The following SLCO1B1 variants were observed in gnomAD, a reference collection of about 807,000 sequenced individuals.
SLCO1B1 encodes the protein solute carrier organic anion transporter family member 1B1, also known as OATP-2.
A neutral mutation model predicts 70.1 loss-of-function variants in SLCO1B1; 81 were observed. That is an observed-to-expected ratio of 1.16 (90% confidence interval 0.97 to 1.39). The LOEUF is 1.39. Ranked by LOEUF, SLCO1B1 falls within the 40% of genes most tolerant of loss-of-function variation. The pLI is 0.00. For missense variants in SLCO1B1, 895 were observed against 799.6 expected, an observed-to-expected ratio of 1.12 and a Z score of -1.44; for synonymous variants, 283 against 271.5, an observed-to-expected ratio of 1.04 and a Z score of -0.42.
intron 1 of SLCO1B1, among the ~76,000 whole-genome samples, chr12:21,134,230 T>C (rs1411804716): frequency 3.9e-5 from 6 of 152,168 alleles, no homozygotes; most frequent in African/African-American, 1.4e-4. Context: ...TTGGATTTGG[T>C]TTGCCAGTAT....
In SLCO1B1 at chr12:21,202,646, G is replaced by A. The variant is rs1442924689; in HGVS notation, c.1291G>A (p.Glu431Lys). The A allele has an allele frequency of 1.2e-6, 2 of 1,612,654 alleles. No homozygotes were observed. The highest frequency in any genetic ancestry group is 2.2e-5 in the East Asian group (1 of 44,738). The change falls in exon 10 of 15, where the codon GAA (glutamate) becomes AAA (lysine). Residue 431 changes from glutamate (E) to lysine (K), a missense_variant. Physicochemically the swap from Glu to Lys is moderately conservative, Grantham distance 56 (BLOSUM62 1). Coordinates refer to ENST00000256958, the MANE Select transcript of SLCO1B1 (RefSeq NM_006446.5). ...CCTATTATATTTTTTCATACTCTGT[G>A]AAAACAAATCAGTTGCCGGACTAAC... is the stretch of plus-strand genomic sequence containing the variant. ...FYLLYFFILC[E>K]NKSVAGLTMT... is the part of the protein sequence containing the mutation.
At chr12:21,136,626 C>G (rs1940226097) in intron 1 of SLCO1B1, among the ~76,000 whole-genome samples, 1 of 152,190 alleles carries the variant, frequency 6.6e-6, no homozygotes, top group South Asian at 2.1e-4. Flanking sequence ...ATCCTATCAG[C>G]TACTGAGGCT....
chr12:21,136,984 G>C (rs1423380230), intron 1 of SLCO1B1, among the ~76,000 whole-genome samples: 1 of 152,102 alleles, frequency 6.6e-6, no homozygotes, highest in East Asian at 1.9e-4. Context: ...GGTCTTTGAT[G>C]ATGGTGACGT....
chr12:21,180,860 A>G (rs961245492), intron 7 of SLCO1B1, among the ~76,000 whole-genome samples: 1 of 151,654 alleles, frequency 6.6e-6, no homozygotes. Flanking sequence ...TAAATAAGAA[A>G]TTATTACATT....
chr12:21,181,563 T>C (rs767291874), intron 7 of SLCO1B1, among the ~76,000 whole-genome samples: 1 of 152,186 alleles, frequency 6.6e-6, no homozygotes, highest in Non-Finnish European at 1.5e-5. Flanking sequence ...GTGAGTTTTC[T>C]TATAGATTAG....
chr12:21,215,526 C>T (rs1941347717), intron 11 of SLCO1B1, among the ~76,000 whole-genome samples: 1 of 152,052 alleles, frequency 6.6e-6, no homozygotes, highest in Admixed American at 6.6e-5. Flanking sequence ...AAAAATAAAG[C>T]CTACTTGGTC....
chr12:21,199,751 A>G (rs1454173399), intron 8 of SLCO1B1, among the ~76,000 whole-genome samples: 1 of 151,858 alleles, frequency 6.6e-6, no homozygotes, highest in Non-Finnish European at 1.5e-5. Flanking sequence ...GAAACATCAT[A>G]TGTCTTATTC....
At chr12:21,162,391 A>C (rs1281159739) in intron 2 of SLCO1B1, among the ~76,000 whole-genome samples, 4 of 152,156 alleles carry the variant, frequency 2.6e-5, no homozygotes, top group Non-Finnish European at 4.4e-5. Flanking sequence ...CACTTCAAAA[A>C]ATTTTTCAAC....
At chr12:21,202,951 A>G (rs1284421285) in intron 10 of SLCO1B1, among the ~76,000 whole-genome samples, 1 of 152,056 alleles carries the variant, frequency 6.6e-6, no homozygotes, top group Non-Finnish European at 1.5e-5. Context: ...TACTTTTATC[A>G]TTATTTTATG....
chr12:21,225,535 AG>A (rs1941474194), intron 14 of SLCO1B1, among the ~76,000 whole-genome samples: 1 of 152,230 alleles, frequency 6.6e-6, no homozygotes, highest in African/African-American at 2.4e-5. Flanking sequence ...TCTACGAAGC[AG>A]AAACTAAGTA....
intron 2 of SLCO1B1, among the ~76,000 whole-genome samples, chr12:21,152,550 T>TTTTTTGTTTTTTTTTG (rs1246559983): frequency 6.8e-6 from 1 of 146,160 alleles, no homozygotes; most frequent in Non-Finnish European, 1.5e-5. Flanking sequence ...TTTTTTTTTT[T>TTTTTTGTTTTTTTTTG]TGCCTCTGGA....
At chr12:21,233,558 A>C (rs1941564174) in intron 14 of SLCO1B1, among the ~76,000 whole-genome samples, 1 of 120,314 alleles carries the variant, frequency 8.3e-6, no homozygotes. Flanking sequence ...ACCTCAAAAA[A>C]AAAACAAACA....
intron 2 of SLCO1B1, among the ~76,000 whole-genome samples, chr12:21,158,338 AT>A (rs1940568634): frequency 6.6e-6 from 1 of 152,244 alleles, no homozygotes; most frequent in African/African-American, 2.4e-5. Context: ...AATTCAATAA[AT>A]TTTTGAAACA....
chr12:21,133,786 A>C (rs1940175776), intron 1 of SLCO1B1, among the ~76,000 whole-genome samples: 1 of 152,166 alleles, frequency 6.6e-6, no homozygotes, highest in Non-Finnish European at 1.5e-5. Context: ...AAACAGGGAC[A>C]ATTTGACTTC....
intron 14 of SLCO1B1, among the ~76,000 whole-genome samples, chr12:21,237,903 C>T (rs11615107): frequency 0.061 from 9,309 of 151,966 alleles, 306 homozygotes; most frequent in African/African-American, 0.067. Context: ...TTGGTATAGA[C>T]GGGGTTTCAC....
chr12:21,166,699 AG>A (rs1173040216), intron 2 of SLCO1B1, among the ~76,000 whole-genome samples: 1 of 152,218 alleles, frequency 6.6e-6, no homozygotes, highest in Non-Finnish European at 1.5e-5. Context: ...AATGCAAAAT[AG>A]TGCAGCCACT....
At chr12:21,219,626 G>A (rs1266839728) in intron 12 of SLCO1B1, among the ~76,000 whole-genome samples, 7 of 152,222 alleles carry the variant, frequency 4.6e-5, no homozygotes, top group Non-Finnish European at 1.0e-4. Context: ...TGAAGTCAGG[G>A]AAAACAGAAG....
chr12:21,154,989 AT>A (rs1270918630), intron 2 of SLCO1B1, among the ~76,000 whole-genome samples: 2 of 151,370 alleles, frequency 1.3e-5, no homozygotes, highest in Admixed American at 1.3e-4. Flanking sequence ...AAAGGCCTCA[AT>A]TTTTTTTCTT....
intron 2 of SLCO1B1, among the ~76,000 whole-genome samples, chr12:21,153,975 A>C (rs923601968): frequency 6.6e-6 from 1 of 152,094 alleles, no homozygotes; most frequent in Non-Finnish European, 1.5e-5. Flanking sequence ...TTGAAGAAAA[A>C]TCCAAACTAA....
Sources: allele counts gnomAD v4.1 joint callset (sites outside exome capture counted in the v4.1 genomes callset), GRCh38; gene constraint gnomAD v4.1.1; transcripts MANE v1.5; gene names NCBI Gene and HGNC (gene_info 2026-07-23, HGNC 2026-07-21).